The following COL18A1 variants were observed in gnomAD, a reference collection of about 807,000 sequenced individuals.
The protein encoded by COL18A1 is collagen type XVIII alpha 1 chain.
A neutral mutation model predicts 168.0 loss-of-function variants in COL18A1; 133 were observed. The ratio of observed to expected loss-of-function variants is 0.79; its 90% CI spans 0.69 to 0.91. The LOEUF (loss-of-function observed/expected upper bound fraction) is 0.91, where lower values mean the gene tolerates loss of function less well. Among genes scored for constraint, COL18A1 ranks in the 40% least tolerant of loss-of-function variants. COL18A1 has a pLI of 0.00. For synonymous variants in COL18A1, 949 were observed against 809.0 expected, an observed-to-expected ratio of 1.17 and a Z score of -2.94; for missense variants, 2,126 against 1,925.4, an observed-to-expected ratio of 1.10 and a Z score of -1.95.
intron 9 of COL18A1, among the ~76,000 whole-genome samples, chr21:45,479,338 A>G (rs955637777): frequency 2.0e-5 from 3 of 149,028 alleles, no homozygotes; most frequent in African/African-American, 7.5e-5. Context: ...ATACACTTGC[A>G]TACACACACT....
chr21:45,509,490 G>C lies in COL18A1; in HGVS notation c.3384G>C (p.Leu1128=). ...ADDILASPPR[L]PEPQPYPGAP... is the part of the protein sequence containing the mutation. ...ACATCCTGGCCAGCCCCCCTCGCCT[G>C]CCCGAGCCCCAGCCCTACCCCGGAG... Residue 1128 remains leucine (L), a synonymous_variant, in exon 39 of 42, where the codon CTG becomes CTC. Coordinates refer to ENST00000651438, the MANE Select transcript of COL18A1 (RefSeq NM_001379500.1). The C allele has an allele frequency of 6.5e-7, 1 of 1,528,632 alleles. No individual in the cohort carries two copies. Among genetic ancestry groups the C allele is most frequent in the South Asian group, 1.2e-5 (1 of 84,608 alleles). 94.7% of individuals were successfully genotyped at this position (1,528,632 alleles called of 1,614,324 possible).
At chr21:45,451,671 T>G (rs1273677678) in intron 2 of COL18A1, among the ~76,000 whole-genome samples, 1 of 152,020 alleles carries the variant, frequency 6.6e-6, no homozygotes, top group African/African-American at 2.4e-5. Context: ...GGGAAGGCGG[T>G]GGGATTTGAA....
chr21:45,497,805 CTTCTGGGTTG>C, intron 32 of COL18A1, 144 bp downstream of exon 32: 1 of 1,180,000 alleles, frequency 8.5e-7, no homozygotes, highest in Non-Finnish European at 1.2e-6. Flanking sequence ...AAGGAAGCCC[CTTCTGGGTTG>C]ATGGGGGCCT....
chr21:45,474,022 C>A lies in COL18A1; in HGVS notation c.738+41C>A, dbSNP rs940945709. 6.7e-6 allele frequency: 10 copies of A among 1,490,168 alleles called. No individual in the cohort carries two copies. In the African/African-American group the frequency reaches 7.0e-5, roughly 10 times the overall value. The allele number at this position is 1,490,168 out of a possible 1,614,324, so 92.3% of individuals were successfully genotyped here. A position where few individuals can be genotyped will look rare whatever the true frequency, so the allele number is the denominator to read the frequency against. ...GGCACGGGTGGGGTCTCCCCTCAATCCCTGGCACGCGGAGTTCAGGGCCAA... is the reference window on the plus strand; with the variant it reads ...GGCACGGGTGGGGTCTCCCCTCAATACCTGGCACGCGGAGTTCAGGGCCAA... On this transcript the variant is annotated intron_variant, in intron 4 of 41. Transcript: ENST00000651438.
chr21:45,413,089 C>T (rs1352250680), intron 2 of COL18A1, among the ~76,000 whole-genome samples: 1 of 152,162 alleles, frequency 6.6e-6, no homozygotes, highest in Non-Finnish European at 1.5e-5. Flanking sequence ...GCTGACAGCC[C>T]TCTGAGGCCA....
intron 16 of COL18A1, 31 bp downstream of exon 16, chr21:45,487,023 G>T: frequency 6.7e-7 from 1 of 1,491,290 alleles, no homozygotes; most frequent in Non-Finnish European, 8.9e-7. Context: ...ACCCCCTGGA[G>T]AGCCGGGGGC....
At chr21:45,479,601 C>CCACA (rs555135754) in intron 9 of COL18A1, among the ~76,000 whole-genome samples, 6 of 140,736 alleles carry the variant, frequency 4.3e-5, no homozygotes, top group African/African-American at 1.1e-4. Context: ...ACCATGCATA[C>CCACA]CACACACACA....
At chr21:45,456,063 C>A in intron 2 of COL18A1, 1 of 1,605,204 alleles carries the variant, frequency 6.2e-7, no homozygotes, top group Non-Finnish European at 8.5e-7. Context: ...CCTAGCTCTC[C>A]GGGCGCCCAC....
intron 36 of COL18A1, 22 bp from the exon 37 acceptor site, chr21:45,505,816 C>T (rs1285986842): frequency 1.3e-6 from 2 of 1,573,108 alleles, no homozygotes; most frequent in East Asian, 2.2e-5. Flanking sequence ...AAGCCCCACA[C>T]CTCTGCATTT....
At chr21:45,426,413 T>C (rs370827392) in intron 2 of COL18A1, among the ~76,000 whole-genome samples, 13 of 152,054 alleles carry the variant, frequency 8.5e-5, no homozygotes, top group African/African-American at 2.4e-4. Flanking sequence ...CCTGGAGTTA[T>C]TTTGGGAGAG....
chr21:45,446,453 C>G (rs1391119526), intron 2 of COL18A1, among the ~76,000 whole-genome samples: 1 of 152,152 alleles, frequency 6.6e-6, no homozygotes, highest in Non-Finnish European at 1.5e-5. Flanking sequence ...CAAACTGATT[C>G]AACAAGAAAT....
intron 13 of COL18A1, among the ~76,000 whole-genome samples, chr21:45,481,503 C>T (rs1219999389): frequency 6.6e-6 from 1 of 152,202 alleles, no homozygotes; most frequent in African/African-American, 2.4e-5. Flanking sequence ...ATGACATGCC[C>T]CTGCCTCCGT....
chr21:45,484,032 C>CACCTCTCCAGCATATGTACACATGCACAT (rs1386813318), intron 15 of COL18A1, among the ~76,000 whole-genome samples: 2,768 of 104,164 alleles, frequency 0.027, 725 homozygotes, highest in Admixed American at 0.044. Context: ...CACATGCACA[C>CACCTCTCCAGCATATGTACACATGCACAT]ACACACCTCT....
intron 29 of COL18A1, 64 bp downstream of exon 29, chr21:45,495,496 A>G (rs2036498898): frequency 2.2e-5 from 31 of 1,419,156 alleles, no homozygotes; most frequent in Non-Finnish European, 3.0e-5. Flanking sequence ...TGGCCTGGCC[A>G]CAGCCTGGGG....
chr21:45,475,546 G>A lies in COL18A1; in HGVS notation c.798+11G>A, dbSNP rs552499103. On this transcript the variant is annotated intron_variant, in intron 5 of 41. Transcript: ENST00000651438. ...CTCAGGGAGGAGACGGTGAGTAGCCGGACGGGGCCCAGCCCACGCTGCAGG... is the reference window on the plus strand; with the variant it reads ...CTCAGGGAGGAGACGGTGAGTAGCCAGACGGGGCCCAGCCCACGCTGCAGG... The A allele has an allele frequency of 3.2e-5, 52 of 1,601,848 alleles. No individual in the cohort carries two copies. Among genetic ancestry groups the A allele is most frequent in the South Asian group, 4.5e-5 (4 of 89,068 alleles).
Position 45,490,302 on chromosome 21 carries a change from G to C in COL18A1, c.1987G>C (p.Gly663Arg), listed in dbSNP as rs550223927. The part of the protein sequence containing the change: ...KGEVGADGVP[G>R]FPGLPGREGI... ...AGAAGTTGGAGCAGATGGAGTCCCC[G>C]GGTTCCCCGGCCTCCCTGGCAGAGA... Residue 663 changes from glycine to arginine, a missense_variant, in exon 20 of 42, where the codon GGG becomes CGG. Gly to Arg is a moderately radical substitution (Grantham distance 125, BLOSUM62 -2). Transcript: ENST00000651438. 2 of 1,587,946 alleles carry C rather than the reference G, an allele frequency of 1.3e-6. No individual in the cohort carries two copies. The highest frequency in any genetic ancestry group is 2.3e-5 in the East Asian group (1 of 43,704).
Position 45,423,539 on chromosome 21 carries a change from G to A in COL18A1, c.106+18066G>A, listed in dbSNP as rs1180436540. On this transcript the variant is annotated intron_variant, in intron 2 of 41. Transcript: ENST00000651438. This position sits in a 1 kb window ranked among gnomAD's most constrained non-coding sequence, Gnocchi z 4.0. ...CCCGGCTCCAAGGGTCATATGAGTG[G>A]ATCTGGAGGTCGGCCTCTCTTGAAT... Among the ~76,000 whole-genome samples the A allele has an allele frequency of 2.0e-5, 3 of 151,670 alleles. No individual in the cohort carries two copies. Among genetic ancestry groups the A allele is most frequent in the Non-Finnish European group, 4.4e-5 (3 of 67,898 alleles).
At chr21:45,503,942 G>T (rs1033345265) in intron 32 of COL18A1, 69 bp from the exon 33 acceptor site, 1 of 1,576,862 alleles carries the variant, frequency 6.3e-7, no homozygotes, top group Non-Finnish European at 8.7e-7. Flanking sequence ...CCAGTGCTGG[G>T]GGCTGCAGAG....
At chr21:45,508,535 T>C (rs1485087740) in intron 38 of COL18A1, among the ~76,000 whole-genome samples, 1 of 151,994 alleles carries the variant, frequency 6.6e-6, no homozygotes, top group Non-Finnish European at 1.5e-5. Flanking sequence ...GGTGGGTGGA[T>C]GGATGGGTAG....
Sources: gnomAD v4.1 joint callset for allele counts (sites outside exome capture counted in the v4.1 genomes callset) on GRCh38, gnomAD v4.1.1 for gene constraint, Gnocchi (gnomAD v3.1) non-coding constraint, MANE v1.5 for transcripts, NCBI Gene and HGNC (gene_info 2026-07-23, HGNC 2026-07-21) for gene names.